Variants in STPG2 observed in about 807,000 individuals in gnomAD.
STPG2 encodes sperm-tail PG-rich repeat-containing protein 2.
STPG2 carries 56 observed loss-of-function variants against 54.2 expected under a neutral mutation model. The ratio of observed to expected loss-of-function variants is 1.03; its 90% CI spans 0.83 to 1.29. The LOEUF is 1.29. Ranked by LOEUF, STPG2 falls within the 50% of genes most tolerant of loss-of-function variation. The pLI is 0.00. For synonymous variants in STPG2, 200 were observed against 181.8 expected (o/e 1.10, Z -0.81); for missense variants, 596 against 544.9 (o/e 1.09, Z -0.93).
chr4:97,742,555 G>GTATATATATATATA (rs1452135506), intron 9 of STPG2, among the ~76,000 whole-genome samples: 1 of 80,474 alleles, frequency 1.2e-5, no homozygotes, highest in African/African-American at 3.9e-5. Context: ...GTGTGTGTGT[G>GTATATATATATATA]TGTGTGTGTG....
At chr4:97,823,509 A>G (rs937259936) in intron 9 of STPG2, among the ~76,000 whole-genome samples, 3 of 152,160 alleles carry the variant, frequency 2.0e-5, no homozygotes, top group Non-Finnish European at 4.4e-5. Context: ...AAGTATTACT[A>G]CTCATTGACA....
rs117706656 is a variant in STPG2 at position 97,809,527 on chromosome 4, A to G, written c.1204+31246T>C. On this transcript the variant is annotated intron_variant, in intron 9 of 10. Transcript: ENST00000295268. The stretch of plus-strand genomic sequence containing the variant: ...AAAAGCAGAGAATTTTCCTTTGACA[A>G]GGAAGTCAGAATTTGAAGCATGAGA... Among the ~76,000 whole-genome samples, 1,177 of 152,338 alleles carry G rather than the reference A, an allele frequency of 7.7e-3. 23 individuals are homozygous for G. The highest frequency in any genetic ancestry group is 0.052 in the East Asian group (268 of 5,190).
intron 8 of STPG2, among the ~76,000 whole-genome samples, chr4:97,872,290 C>A (rs71608706): frequency 3.3e-5 from 5 of 151,094 alleles, no homozygotes; most frequent in Non-Finnish European, 5.9e-5. Flanking sequence ...TTAGCCTGTG[C>A]AGGAAAACAA....
At chr4:97,907,102 G>T (rs1731460873) in intron 8 of STPG2, among the ~76,000 whole-genome samples, 1 of 152,082 alleles carries the variant, frequency 6.6e-6, no homozygotes, top group Non-Finnish European at 1.5e-5. Context: ...CGACATGATT[G>T]TATATCTAGG....
intron 4 of STPG2, among the ~76,000 whole-genome samples, chr4:97,500,125 A>G (rs1361564998): frequency 6.6e-6 from 1 of 152,044 alleles, no homozygotes; most frequent in Admixed American, 6.6e-5. Context: ...TATATCAATA[A>G]TTCAGAGAAA....
chr4:97,559,545 C>G (rs554889089), intron 10 of STPG2, among the ~76,000 whole-genome samples: 1 of 152,172 alleles, frequency 6.6e-6, no homozygotes, highest in East Asian at 1.9e-4. Context: ...TCTTTTTGTT[C>G]TTTATTTTTC....
At chr4:98,026,294 C>T (rs1736418327) in intron 5 of STPG2, 3 of 688,544 alleles carry the variant, frequency 4.4e-6, no homozygotes, top group South Asian at 1.8e-5. Flanking sequence ...TGAAGATTTT[C>T]AGATAAAGAC....
At chr4:97,879,144 A>G (rs1730282766) in intron 8 of STPG2, among the ~76,000 whole-genome samples, 2 of 152,200 alleles carry the variant, frequency 1.3e-5, no homozygotes, top group Non-Finnish European at 2.9e-5. Flanking sequence ...GCATATCATT[A>G]TCAGAATTTT....
intron 10 of STPG2, among the ~76,000 whole-genome samples, chr4:97,638,281 G>A (rs1191927860): frequency 2.0e-5 from 3 of 152,108 alleles, no homozygotes; most frequent in Non-Finnish European, 4.4e-5. Context: ...TGGGAAAACT[G>A]GCTAGCCATA....
chr4:97,813,022 TA>T (rs1317098092), intron 9 of STPG2, among the ~76,000 whole-genome samples: 2 of 152,134 alleles, frequency 1.3e-5, no homozygotes, highest in Non-Finnish European at 2.9e-5. Flanking sequence ...TCCATACACA[TA>T]CAATCTGCTA....
chr4:97,977,144 T>G (rs1022815871), intron 6 of STPG2, among the ~76,000 whole-genome samples: 2 of 152,158 alleles, frequency 1.3e-5, no homozygotes, highest in African/African-American at 4.8e-5. Flanking sequence ...ACCCCTTGCC[T>G]CTCCACTATT....
chr4:98,036,908 A>C (rs1435525769), intron 5 of STPG2, among the ~76,000 whole-genome samples: 1 of 152,166 alleles, frequency 6.6e-6, no homozygotes, highest in Admixed American at 6.6e-5. Context: ...AGTCATAAAA[A>C]TTGTATGCTT....
At chr4:97,751,316 G>A (rs376802327) in intron 9 of STPG2, among the ~76,000 whole-genome samples, 1 of 151,740 alleles carries the variant, frequency 6.6e-6, no homozygotes, top group East Asian at 1.9e-4. Flanking sequence ...AATTTTGTAA[G>A]TGTAACAGTT....
chr4:97,964,398 C>T (rs762048235), intron 7 of STPG2, among the ~76,000 whole-genome samples: 2 of 151,986 alleles, frequency 1.3e-5, no homozygotes, highest in Non-Finnish European at 2.9e-5. Context: ...TACAATCATC[C>T]TTAAAAAGGA....
At chr4:97,478,704 T>C (rs900033767) in intron 4 of STPG2, among the ~76,000 whole-genome samples, 6 of 152,134 alleles carry the variant, frequency 3.9e-5, no homozygotes, top group African/African-American at 4.8e-5. Context: ...GCTAAAATTT[T>C]AATTTCATTA....
At chr4:97,969,290 A>G (rs901595854) in intron 7 of STPG2, among the ~76,000 whole-genome samples, 5 of 152,198 alleles carry the variant, frequency 3.3e-5, no homozygotes, top group Non-Finnish European at 7.3e-5. Flanking sequence ...TGATGCACAC[A>G]CTATGTCGTA....
chr4:97,933,381 G>C (rs1317569084), intron 8 of STPG2, among the ~76,000 whole-genome samples: 1 of 152,036 alleles, frequency 6.6e-6, no homozygotes, highest in Non-Finnish European at 1.5e-5. Flanking sequence ...GATCCCAATT[G>C]TCAATTTTTT....
chr4:97,920,762 G>C (rs1026745437), intron 8 of STPG2, among the ~76,000 whole-genome samples: 16 of 152,188 alleles, frequency 1.1e-4, no homozygotes, highest in Non-Finnish European at 2.1e-4. Context: ...TATGGTCTTT[G>C]ACCAGTTAAC....
chr4:97,637,227 G>A lies in STPG2; in HGVS notation c.1320+75472C>T, dbSNP rs376037357. 3.1e-4 allele frequency among the ~76,000 whole-genome samples: 47 copies of A among 152,204 alleles called. No homozygotes were observed. In the East Asian group the frequency reaches 5.2e-3, roughly 17 times the overall value. On this transcript the variant is annotated intron_variant, in intron 10 of 10. Coordinates refer to ENST00000295268, the MANE Select transcript of STPG2 (RefSeq NM_174952.3). ...AAATGTAATCCAGCATATAAACAGA[G>A]CCAAAGACAAAAACCACATGATTAT...
Sources: gnomAD v4.1 joint callset for allele counts (sites outside exome capture counted in the v4.1 genomes callset) on GRCh38, gnomAD v4.1.1 for gene constraint, MANE v1.5 for transcripts, NCBI Gene and HGNC (gene_info 2026-07-23, HGNC 2026-07-21) for gene names.